The following TMEM232 variants were observed in gnomAD, a reference collection of about 807,000 sequenced individuals.
The protein encoded by TMEM232 is transmembrane protein 232.
Under a neutral mutation model 78.8 loss-of-function variants are expected in TMEM232, and 80 were observed. The ratio of observed to expected loss-of-function variants is 1.01; its 90% confidence interval spans 0.85 to 1.22. The LOEUF (loss-of-function observed/expected upper bound fraction) is 1.22, where lower values mean the gene tolerates loss of function less well. Ranked by LOEUF, TMEM232 falls within the 50% of genes most tolerant of loss-of-function variation. The probability of loss-of-function intolerance (pLI) is 0.00; values close to 1 mark genes in which losing one functional copy is unlikely to be tolerated. For synonymous variants in TMEM232, 297 were observed against 254.3 expected (o/e 1.17, Z -1.60); for missense variants, 881 against 742.2 (o/e 1.19, Z -2.17).
chr5:110,641,091 C>A, intron 3 of TMEM232, 95 bp from the exon 4 acceptor site: 1 of 755,232 alleles, frequency 1.3e-6, no homozygotes, highest in Non-Finnish European at 1.9e-6. Context: ...AAAAGTCATT[C>A]TATGAAGCTA....
chr5:110,529,296 A>G (rs953045640), intron 11 of TMEM232, among the ~76,000 whole-genome samples: 1 of 151,748 alleles, frequency 6.6e-6, no homozygotes, highest in Non-Finnish European at 1.5e-5. Flanking sequence ...CCCAGACTGG[A>G]GTGCAGTGGC....
rs536511741 is a variant in TMEM232, at chr5:110,425,196, T to TA, written c.1704-281dup. Among the ~76,000 whole-genome samples the TA allele has an allele frequency of 1.5e-4, 23 of 152,146 alleles. 1 individual carries two copies. The South Asian group carries it at 4.8e-3, about 32-fold the overall frequency. On this transcript the variant is annotated intron_variant, in intron 12 of 13. Transcript: ENST00000455884. Reference sequence around the variant, plus strand: ...AACCCTGAAAGTTCTGGTGGAAGCCTAAGCCTAAGAATTTGTTCTAAGATA... The same window carrying TA: ...AACCCTGAAAGTTCTGGTGGAAGCCTAAAGCCTAAGAATTTGTTCTAAGATA...
intron 2 of TMEM232, among the ~76,000 whole-genome samples, chr5:110,734,467 A>G (rs558835535): frequency 3.3e-5 from 5 of 152,384 alleles, no homozygotes; most frequent in African/African-American, 1.2e-4. Flanking sequence ...CACTCTGCCC[A>G]TCATGAGGCT....
intron 8 of TMEM232, among the ~76,000 whole-genome samples, chr5:110,613,610 C>A (rs749316867): frequency 6.6e-6 from 1 of 152,116 alleles, no homozygotes; most frequent in Non-Finnish European, 1.5e-5. Flanking sequence ...TTTAGTCCAG[C>A]AAATCCTGAT....
At chr5:110,629,153 C>T (rs1010403918) in intron 5 of TMEM232, among the ~76,000 whole-genome samples, 4 of 151,802 alleles carry the variant, frequency 2.6e-5, no homozygotes, top group African/African-American at 9.7e-5. Flanking sequence ...TTAAAGGAAA[C>T]TACTCTCATA....
At chr5:110,433,888 C>T (rs893325452) in intron 12 of TMEM232, among the ~76,000 whole-genome samples, 19 of 151,872 alleles carry the variant, frequency 1.3e-4, no homozygotes, top group African/African-American at 4.6e-4. Context: ...TGCTAGTATT[C>T]TGCTGAGGAT....
At chr5:110,686,159 T>C (rs1351507684) in intron 1 of TMEM232, among the ~76,000 whole-genome samples, 1 of 152,064 alleles carries the variant, frequency 6.6e-6, no homozygotes, top group African/African-American at 2.4e-5. Context: ...AGATAGAGTC[T>C]AATCCCAATA....
chr5:110,509,360 C>G (rs918285790), intron 12 of TMEM232, among the ~76,000 whole-genome samples: 3 of 151,886 alleles, frequency 2.0e-5, no homozygotes, highest in African/African-American at 7.3e-5. Context: ...TCTCATGGGC[C>G]CAGGAGTTTG....
At chr5:110,463,822 C>T (rs1761792837) in intron 12 of TMEM232, among the ~76,000 whole-genome samples, 1 of 152,138 alleles carries the variant, frequency 6.6e-6, no homozygotes, top group Non-Finnish European at 1.5e-5. Flanking sequence ...CTCACCTGCC[C>T]TACATAAGAC....
chr5:110,701,785 T>C (rs1245133368), intron 1 of TMEM232, among the ~76,000 whole-genome samples: 1 of 152,012 alleles, frequency 6.6e-6, no homozygotes, highest in African/African-American at 2.4e-5. Flanking sequence ...AATTCCATTC[T>C]ACTTAAGTAT....
intron 3 of TMEM232, among the ~76,000 whole-genome samples, chr5:110,393,976 A>AAAT (rs907652971): frequency 6.6e-6 from 1 of 150,822 alleles, no homozygotes; most frequent in African/African-American, 2.4e-5. Context: ...AAAAAAAAAA[A>AAAT]GGAAAATAAA....
chr5:110,475,155 TAG>T (rs1167636195), intron 12 of TMEM232, among the ~76,000 whole-genome samples: 4 of 151,938 alleles, frequency 2.6e-5, no homozygotes, highest in South Asian at 2.1e-4. Flanking sequence ...AATGGAACAA[TAG>T]AGAGTCCAGC....
At chr5:110,570,999 T>C (rs1776877471) in intron 10 of TMEM232, among the ~76,000 whole-genome samples, 2 of 152,002 alleles carry the variant, frequency 1.3e-5, no homozygotes, top group South Asian at 2.1e-4. Context: ...CTAGCTCTTG[T>C]ATAAACTTTT....
chr5:110,734,610 A>G (rs1476701708), intron 2 of TMEM232, among the ~76,000 whole-genome samples: 2 of 152,212 alleles, frequency 1.3e-5, no homozygotes, highest in Non-Finnish European at 2.9e-5. Flanking sequence ...AAACTCGGCA[A>G]TTAAGAAAAT....
At chr5:110,618,219 C>T (rs1294228742) in intron 8 of TMEM232, among the ~76,000 whole-genome samples, 3 of 151,942 alleles carry the variant, frequency 2.0e-5, no homozygotes, top group Non-Finnish European at 4.4e-5. Context: ...TATGCGTGCA[C>T]ATCTAGCAAA....
intron 12 of TMEM232, among the ~76,000 whole-genome samples, chr5:110,451,470 G>C (rs899457426): frequency 3.3e-5 from 5 of 152,102 alleles, no homozygotes; most frequent in African/African-American, 1.2e-4. Flanking sequence ...AGGTTGGTTT[G>C]CAAGAGTCAT....
intron 12 of TMEM232, among the ~76,000 whole-genome samples, chr5:110,454,835 TA>T (rs34441772): frequency 0.3 from 44,698 of 150,554 alleles, 10,654 homozygotes; most frequent in African/African-American, 0.64. Flanking sequence ...GTATAATAGA[TA>T]AGAGGTGCAT....
upstream of TMEM232, among the ~76,000 whole-genome samples, chr5:110,729,148 G>A (rs1397711236): frequency 1.3e-5 from 2 of 152,160 alleles, no homozygotes; most frequent in South Asian, 2.1e-4. Context: ...GCATCCCAAA[G>A]TGCTGGGATT....
intron 10 of TMEM232, among the ~76,000 whole-genome samples, chr5:110,591,593 G>A (rs191640109): frequency 4.9e-4 from 74 of 152,194 alleles, no homozygotes; most frequent in Admixed American, 5.9e-4. Context: ...TATGCCAAGC[G>A]TCTGTATGTT....
Sources: allele counts gnomAD v4.1 joint callset (sites outside exome capture counted in the v4.1 genomes callset), GRCh38; gene constraint gnomAD v4.1.1; transcripts MANE v1.5; gene names NCBI Gene and HGNC (gene_info 2026-07-23, HGNC 2026-07-21).